MARCHF1: variants seen among roughly 807,000 people sequenced by gnomAD.
MARCHF1 encodes the protein membrane associated ring-CH-type finger 1.
MARCHF1 carries 40 observed loss-of-function variants against 54.2 expected under a neutral mutation model. The observed-to-expected ratio is 0.74, with a 90% CI of 0.57 to 0.96. The LOEUF (loss-of-function observed/expected upper bound fraction) is 0.96. Among genes scored for constraint, MARCHF1 ranks in the 40% least tolerant of loss-of-function variants. MARCHF1 has a pLI of 0.00. For missense variants in MARCHF1, 586 were observed against 656.5 expected, an observed-to-expected ratio of 0.89 and a Z score of 1.17; for synonymous variants, 236 against 236.3, an observed-to-expected ratio of 1.00 and a Z score of 0.01.
intron 1 of MARCHF1, among the ~76,000 whole-genome samples, chr4:164,337,526 G>A (rs1729773609): frequency 6.6e-6 from 1 of 152,172 alleles, no homozygotes; most frequent in Non-Finnish European, 1.5e-5. Context: ...GCATGGATGA[G>A]TAAATGGCTA....
chr4:163,864,050 G>A (rs1227428340), intron 3 of MARCHF1, among the ~76,000 whole-genome samples: 1 of 151,918 alleles, frequency 6.6e-6, no homozygotes, highest in African/African-American at 2.4e-5. Context: ...AATAAATGGA[G>A]GAGAAAGACA....
intron 3 of MARCHF1, among the ~76,000 whole-genome samples, chr4:163,909,996 C>T (rs144876513): frequency 6.6e-6 from 1 of 152,226 alleles, no homozygotes; most frequent in East Asian, 1.9e-4. Context: ...CATTAGAGTA[C>T]ACTGGAAATA....
intron 1 of MARCHF1, among the ~76,000 whole-genome samples, chr4:164,372,645 A>G (rs1731068472): frequency 6.6e-6 from 1 of 152,102 alleles, no homozygotes; most frequent in African/African-American, 2.4e-5. Context: ...TAATATGGTA[A>G]AAACACCCTC....
chr4:163,614,928 A>C (rs1221965280), intron 5 of MARCHF1, among the ~76,000 whole-genome samples: 1 of 152,128 alleles, frequency 6.6e-6, no homozygotes, highest in Non-Finnish European at 1.5e-5. Context: ...AGGTGAAAAA[A>C]GGGAAACCCT....
chr4:164,172,936 A>G (rs1008923375), intron 1 of MARCHF1, among the ~76,000 whole-genome samples: 48 of 147,698 alleles, frequency 3.2e-4, no homozygotes, highest in Non-Finnish European at 2.2e-4. Context: ...AGCCGAGATC[A>G]CGCCACTGCA....
At chr4:163,714,341 TTCTA>T (rs1745195730) in intron 4 of MARCHF1, among the ~76,000 whole-genome samples, 2 of 152,362 alleles carry the variant, frequency 1.3e-5, no homozygotes, top group East Asian at 3.9e-4. Flanking sequence ...CTAGCTCCAA[TTCTA>T]TCTATCTTAC....
intron 3 of MARCHF1, among the ~76,000 whole-genome samples, chr4:163,894,918 T>TGC (rs1750766064): frequency 2.1e-5 from 1 of 48,694 alleles, no homozygotes; most frequent in African/African-American, 5.7e-5. Flanking sequence ...TATATATATA[T>TGC]ATGCATGTGA....
chr4:163,700,248 T>A (rs1744765580), intron 5 of MARCHF1, among the ~76,000 whole-genome samples: 1 of 152,142 alleles, frequency 6.6e-6, no homozygotes, highest in Admixed American at 6.6e-5. Flanking sequence ...GGCTCACTCC[T>A]GTAATCCCAA....
intron 1 of MARCHF1, among the ~76,000 whole-genome samples, chr4:164,119,433 GA>G (rs1477498506): frequency 6.7e-6 from 1 of 149,794 alleles, no homozygotes; most frequent in South Asian, 2.1e-4. Flanking sequence ...CAATATAAAT[GA>G]AAAAAATAAA....
At chr4:164,073,241 A>C (rs1754907199) in intron 2 of MARCHF1, among the ~76,000 whole-genome samples, 1 of 152,172 alleles carries the variant, frequency 6.6e-6, no homozygotes, top group Admixed American at 6.5e-5. Flanking sequence ...ACTTAGAACC[A>C]ACCCAAAATC....
intron 4 of MARCHF1, among the ~76,000 whole-genome samples, chr4:163,719,763 A>G (rs867062049): frequency 4.6e-5 from 7 of 151,946 alleles, no homozygotes; most frequent in African/African-American, 1.2e-4. Flanking sequence ...GTTTTGATTT[A>G]CATTTCTCTG....
At position 164,021,910 on chromosome 4, in the gene MARCHF1, A is replaced by G. The variant is rs141975239; in HGVS notation, c.-247-33201T>C. ...GGTCCATTTTTAGTTAGCTTTACATATGGTGTGAAATACACATCCAGGTTA... is the reference window on the plus strand; with the variant it reads ...GGTCCATTTTTAGTTAGCTTTACATGTGGTGTGAAATACACATCCAGGTTA... On this transcript the variant is annotated intron_variant, in intron 2 of 9. Transcript: ENST00000514618. Among the ~76,000 whole-genome samples, 16 of 151,770 alleles carry G rather than the reference A, an allele frequency of 1.1e-4. No homozygotes were observed. In the East Asian group the frequency reaches 2.9e-3, roughly 28 times the overall value.
chr4:164,295,616 AAAGTAG>A (rs1362938088), intron 1 of MARCHF1, among the ~76,000 whole-genome samples: 1 of 152,236 alleles, frequency 6.6e-6, no homozygotes, highest in Non-Finnish European at 1.5e-5. Flanking sequence ...GGCTGCAATT[AAAGTAG>A]AACTATTAAA....
chr4:163,669,228 C>G (rs530691065), intron 5 of MARCHF1, among the ~76,000 whole-genome samples: 1 of 152,218 alleles, frequency 6.6e-6, no homozygotes, highest in Admixed American at 6.5e-5. Flanking sequence ...CATTGTACTC[C>G]TAGTTATCTT....
intron 1 of MARCHF1, among the ~76,000 whole-genome samples, chr4:164,322,623 ATTC>A (rs1735171510): frequency 1.3e-5 from 2 of 152,226 alleles, no homozygotes; most frequent in East Asian, 3.9e-4. Flanking sequence ...TGGATACTCC[ATTC>A]TTCATGATGT....
Position 163,528,671 on chromosome 4 carries a change from C to G in MARCHF1, c.*77G>C. 1 of 1,419,950 alleles carries G rather than the reference C, an allele frequency of 7.0e-7. No homozygotes were observed. Among genetic ancestry groups the G allele is most frequent in the Non-Finnish European group, 9.6e-7 (1 of 1,044,986 alleles). The allele number at this position is 1,419,950 out of a possible 1,614,324, so 88.0% of individuals were successfully genotyped here. A position where few individuals can be genotyped will look rare whatever the true frequency, so the allele number is the denominator to read the frequency against. On this transcript the variant is annotated 3_prime_UTR_variant, in exon 10 of 10. Transcript: ENST00000514618. ...GAGGAGCTGAAGGGAGTAAATAATT[C>G]AAGATCACTTCTGTCATTTGTAGTG... is the stretch of plus-strand genomic sequence containing the variant.
At chr4:164,293,548 T>A (rs1304836117) in intron 1 of MARCHF1, among the ~76,000 whole-genome samples, 1 of 152,232 alleles carries the variant, frequency 6.6e-6, no homozygotes, top group African/African-American at 2.4e-5. Flanking sequence ...CTCTGCTAAA[T>A]GTAATTTGTC....
intron 2 of MARCHF1, among the ~76,000 whole-genome samples, chr4:164,026,595 T>C (rs1753772871): frequency 6.6e-6 from 1 of 151,952 alleles, no homozygotes; most frequent in Non-Finnish European, 1.5e-5. Context: ...CTCAAAATAA[T>C]AAGAGCCATC....
chr4:163,968,771 C>G (rs188560529), intron 3 of MARCHF1, among the ~76,000 whole-genome samples: 7 of 152,200 alleles, frequency 4.6e-5, no homozygotes, highest in Admixed American at 3.9e-4. Flanking sequence ...TTCCATCTGC[C>G]CCTCATCCAA....
Sources: gnomAD v4.1 joint callset for allele counts (sites outside exome capture counted in the v4.1 genomes callset) on GRCh38, gnomAD v4.1.1 for gene constraint, MANE v1.5 for transcripts, NCBI Gene and HGNC (gene_info 2026-07-23, HGNC 2026-07-21) for gene names.